The following TRPM1 variants were observed in gnomAD, a reference collection of about 807,000 sequenced individuals.
The protein encoded by TRPM1 is transient receptor potential cation channel subfamily M member 1, also known as TRPM1-203 APA Isoform, Intron 10.
TRPM1 carries 113 observed loss-of-function variants against 149.4 expected under a neutral mutation model. The observed-to-expected ratio is 0.76, with a 90% CI of 0.65 to 0.88. The LOEUF (loss-of-function observed/expected upper bound fraction) is 0.88. TRPM1 is among the 40% of genes least tolerant of loss of function. The pLI, the probability that TRPM1 is intolerant of heterozygous loss-of-function variation, is 0.00. For synonymous variants in TRPM1, 741 were observed against 759.5 expected, an observed-to-expected ratio of 0.98 and a Z score of 0.40; for missense variants, 1,976 against 2,038.7, an observed-to-expected ratio of 0.97 and a Z score of 0.59.
At chr15:31,113,422 A>G (rs1006967366) in intron 1 of TRPM1, among the ~76,000 whole-genome samples, 2 of 116,788 alleles carry the variant, frequency 1.7e-5, no homozygotes, top group Non-Finnish European at 3.7e-5. Context: ...TTCAATACCC[A>G]GCTCTGACAG....
intron 1 of TRPM1, among the ~76,000 whole-genome samples, chr15:31,127,213 T>C (rs898812622): frequency 3.9e-5 from 6 of 152,150 alleles, no homozygotes; most frequent in African/African-American, 1.2e-4. Flanking sequence ...TTGCAAAGCT[T>C]ATCTCGTGGC....
intron 1 of TRPM1, among the ~76,000 whole-genome samples, chr15:31,110,864 TTTTC>T: frequency 6.6e-6 from 1 of 152,042 alleles, no homozygotes; most frequent in Non-Finnish European, 1.5e-5. Context: ...TCACTTTTTC[TTTTC>T]TTTCTTCTTT....
At chr15:31,026,531 T>C (rs1215386898) in intron 26 of TRPM1, among the ~76,000 whole-genome samples, 1 of 152,228 alleles carries the variant, frequency 6.6e-6, no homozygotes. Flanking sequence ...AAGTAATATT[T>C]CCTGGAAAAC....
chr15:31,079,356 G>C (rs1464099153), intron 2 of TRPM1, among the ~76,000 whole-genome samples: 1 of 152,302 alleles, frequency 6.6e-6, no homozygotes, highest in East Asian at 1.9e-4. Flanking sequence ...CTGAGCTATG[G>C]GTGGGGGCTG....
rs375582184 is a variant in TRPM1, at chr15:31,040,339, C to G, written c.2095G>C (p.Gly699Arg). Residue 699 changes from glycine (G) to arginine (R), a missense_variant, in exon 18 of 28, where the codon GGC becomes CGC. Physicochemically the swap from Gly to Arg is moderately radical, Grantham distance 125 (BLOSUM62 -2). Coordinates refer to ENST00000256552, the MANE Select transcript of TRPM1 (RefSeq NM_001252024.2). This position sits in a 1 kb window ranked among gnomAD's most constrained non-coding sequence, Gnocchi z 4.2. Reference protein sequence around the residue: ...QDLDNNSKDFGQLALELLDQS... With the variant: ...QDLDNNSKDFRQLALELLDQS... ...TCTAATAACTCCAAAGCAAGCTGGC[C>G]GAAGTCTCTGGGGGGAAAGAGAAGG... The G allele has an allele frequency of 6.2e-7, 1 of 1,614,126 alleles. No individual in the cohort carries two copies. Among genetic ancestry groups the G allele is most frequent in the South Asian group, 1.1e-5 (1 of 91,080 alleles).
At position 31,058,144 on chromosome 15, in the gene TRPM1, CTATT is replaced by C. The variant is rs1324498237; in HGVS notation, c.1263+2396_1263+2399del. Among the ~76,000 whole-genome samples the C allele has an allele frequency of 2.0e-5, 3 of 150,506 alleles. No homozygotes were observed. The Admixed American group carries it at 2.0e-4, about 10-fold the overall frequency. ...CATAGGCAGGTACCAAACTTTACATCTATTTGTTTGGAACCAAACTAAAGATACA... is the reference window on the plus strand; with the variant it reads ...CATAGGCAGGTACCAAACTTTACATCTGTTTGGAACCAAACTAAAGATACA... On this transcript the variant is annotated intron_variant, in intron 11 of 27. Transcript: ENST00000256552.
At chr15:31,158,945 T>C (rs2141069056) in intron 1 of TRPM1, among the ~76,000 whole-genome samples, 1 of 152,256 alleles carries the variant, frequency 6.6e-6, no homozygotes, top group Non-Finnish European at 1.5e-5. Flanking sequence ...TTGCCATAAC[T>C]GTAAACATCT....
intron 1 of TRPM1, among the ~76,000 whole-genome samples, chr15:31,143,573 T>C (rs2036186048): frequency 6.6e-6 from 1 of 152,030 alleles, no homozygotes; most frequent in African/African-American, 2.4e-5. Flanking sequence ...TCACCAAACC[T>C]GGCTAATTTT....
chr15:31,096,520 T>C, intron 1 of TRPM1, among the ~76,000 whole-genome samples: 1 of 152,144 alleles, frequency 6.6e-6, no homozygotes, highest in East Asian at 1.9e-4. Flanking sequence ...CTTCCTGCTT[T>C]GGCCAACATC....
intron 13 of TRPM1, among the ~76,000 whole-genome samples, 184 bp downstream of exon 13, chr15:31,049,191 G>A (rs1181098677): frequency 1.3e-5 from 2 of 152,198 alleles, no homozygotes; most frequent in South Asian, 2.1e-4. Context: ...AGGCATGGCA[G>A]GAGGTGGTGA....
rs752888488 is a variant in TRPM1 at position 31,050,520 on chromosome 15, G to A, written c.1326C>T (p.Pro442=). 2.2e-5 allele frequency: 35 copies of A among 1,613,920 alleles called. No homozygotes were observed. Among genetic ancestry groups the A allele is most frequent in the Non-Finnish European group, 3.0e-5 (35 of 1,180,034 alleles). Residue 442 remains proline (P), a synonymous_variant, in exon 12 of 28, where the codon CCC becomes CCT. Transcript: ENST00000256552. ...SKATEKEKKP[P]MATTKGGRGK... is the part of the protein sequence containing the mutation. ...CTCTTCCTCCCTTGGTGGTGGCCAT[G>A]GGTGGCTTCTTCTCCTTCTCCGTGG... is the stretch of plus-strand genomic sequence containing the variant.
chr15:31,058,042 T>C (rs2034129589), intron 11 of TRPM1, among the ~76,000 whole-genome samples: 2 of 152,254 alleles, frequency 1.3e-5, no homozygotes, highest in South Asian at 4.2e-4. Flanking sequence ...AATTACACAG[T>C]CTCAGAAGAC....
At chr15:31,036,237 A>T (rs2033363637) in intron 20 of TRPM1, among the ~76,000 whole-genome samples, 1 of 151,924 alleles carries the variant, frequency 6.6e-6, no homozygotes, top group African/African-American at 2.4e-5. Context: ...GCAGAGCTGG[A>T]GGTGGCAGTG....
upstream of TRPM1, among the ~76,000 whole-genome samples, chr15:31,106,538 A>G (rs2035609809): frequency 6.6e-6 from 1 of 152,248 alleles, no homozygotes; most frequent in African/African-American, 2.4e-5. Flanking sequence ...CAAAGATGGT[A>G]GAGGACTTTA....
chr15:31,057,566 G>T (rs910735336), intron 11 of TRPM1, among the ~76,000 whole-genome samples: 1 of 152,154 alleles, frequency 6.6e-6, no homozygotes, highest in African/African-American at 2.4e-5. Context: ...TATAAACTAT[G>T]TATATGCAAA....
chr15:31,067,198 C>A lies in TRPM1; in HGVS notation c.494-11G>T. On this transcript the variant is annotated splice_polypyrimidine_tract_variant and intron_variant, in intron 5 of 27. Coordinates refer to ENST00000256552, the MANE Select transcript of TRPM1 (RefSeq NM_001252024.2). ...CGTGGCTGATAACACCTGTGAGCAG[C>A]CATTGGTCATATTTTAGGCTCTTTT... is the stretch of plus-strand genomic sequence containing the variant. 2 of 1,614,134 alleles carry A rather than the reference C, an allele frequency of 1.2e-6. No homozygotes were observed. Among genetic ancestry groups the A allele is most frequent in the Non-Finnish European group, 1.7e-6 (2 of 1,180,014 alleles).
intron 27 of TRPM1, among the ~76,000 whole-genome samples, chr15:31,008,114 T>C (rs760447447): frequency 2.6e-5 from 4 of 152,240 alleles, no homozygotes; most frequent in Non-Finnish European, 4.4e-5. Flanking sequence ...TTATGTGATT[T>C]TCTACATAGA....
intron 13 of TRPM1, among the ~76,000 whole-genome samples, chr15:31,048,524 T>A (rs2033847838): frequency 6.6e-6 from 1 of 152,124 alleles, no homozygotes; most frequent in Non-Finnish European, 1.5e-5. Flanking sequence ...TTGGCCAGAA[T>A]CAGTGGCTCA....
chr15:31,038,041 G>C lies in TRPM1; in HGVS notation c.2439+3C>G. 1 of 1,614,060 alleles carries C rather than the reference G, an allele frequency of 6.2e-7. No homozygotes were observed. Among genetic ancestry groups the C allele is most frequent in the South Asian group, 1.1e-5 (1 of 91,008 alleles). On this transcript the variant is annotated splice_donor_region_variant and intron_variant, in intron 19 of 27. Transcript: ENST00000256552. ...TATGCTTAGGGTCAAGTGTGTCACTGACCGTATTTTCCTCTTCTTTTTCTT... is the reference window on the plus strand; with the variant it reads ...TATGCTTAGGGTCAAGTGTGTCACTCACCGTATTTTCCTCTTCTTTTTCTT...
Sources: gnomAD v4.1 joint callset for allele counts (sites outside exome capture counted in the v4.1 genomes callset) on GRCh38, gnomAD v4.1.1 for gene constraint, Gnocchi (gnomAD v3.1) non-coding constraint, MANE v1.5 for transcripts, NCBI Gene and HGNC (gene_info 2026-07-23, HGNC 2026-07-21) for gene names.